PTPRN2: variants seen among roughly 807,000 people sequenced by gnomAD.
PTPRN2 encodes protein tyrosine phosphatase receptor type N2.
In PTPRN2, 74 loss-of-function variants were observed where a neutral mutation model predicts 118.8. The observed-to-expected ratio is 0.62, with a 90% CI of 0.52 to 0.76. The LOEUF (loss-of-function observed/expected upper bound fraction) is 0.76, where lower values mean the gene tolerates loss of function less well. Ranked by LOEUF, PTPRN2 falls within the 30% of genes least tolerant of loss-of-function variation. The probability of loss-of-function intolerance (pLI) is 0.00; values close to 1 mark genes in which losing one functional copy is unlikely to be tolerated. For synonymous variants in PTPRN2, 641 were observed against 608.0 expected (o/e 1.05, Z -0.80); for missense variants, 1,481 against 1,394.4 (o/e 1.06, Z -0.99).
chr7:158,072,026 A>AGGTGCTCGTCGTATGGAGGTGCTCGTGG (rs1563394606), intron 11 of PTPRN2, among the ~76,000 whole-genome samples: 6 of 70,540 alleles, frequency 8.5e-5, no homozygotes, highest in African/African-American at 3.7e-4. Context: ...GGAGGTGCTC[A>AGGTGCTCGTCGTATGGAGGTGCTCGTGG]TGGTGGAGGT....
At chr7:157,770,886 G>A (rs973265417) in intron 12 of PTPRN2, among the ~76,000 whole-genome samples, 1 of 151,708 alleles carries the variant, frequency 6.6e-6, no homozygotes, top group Non-Finnish European at 1.5e-5. Flanking sequence ...TTGGCCAGTT[G>A]AGGCAGCAGA....
chr7:157,847,676 C>T (rs899899602), intron 12 of PTPRN2, among the ~76,000 whole-genome samples: 4 of 144,702 alleles, frequency 2.8e-5, no homozygotes, highest in Non-Finnish European at 4.5e-5. Context: ...TCATGCATGC[C>T]GGATGTTTAC....
At chr7:157,872,571 T>C (rs928203274) in intron 12 of PTPRN2, among the ~76,000 whole-genome samples, 1 of 152,260 alleles carries the variant, frequency 6.6e-6, no homozygotes, top group Non-Finnish European at 1.5e-5. Flanking sequence ...TCCTCACAGC[T>C]GTTTCCCCTA....
chr7:158,415,689 C>A (rs1010236927), intron 2 of PTPRN2, among the ~76,000 whole-genome samples: 2 of 152,074 alleles, frequency 1.3e-5, no homozygotes, highest in African/African-American at 2.4e-5. Context: ...TCATTAATAT[C>A]CCATACACGC....
In PTPRN2 at chr7:157,583,872, ACT is replaced by A. The variant is rs1319030453; in HGVS notation, c.2497-5734_2497-5733del. Reference sequence around the variant, plus strand: ...ACGCCAGCCTGGGTGACAGAGCGAGACTCTGTCTCAAACACACACACACACAC... The same window carrying A: ...ACGCCAGCCTGGGTGACAGAGCGAGACTGTCTCAAACACACACACACACAC... On this transcript the variant is annotated intron_variant, in intron 17 of 22. Coordinates refer to ENST00000389418, the MANE Select transcript of PTPRN2 (RefSeq NM_002847.5). This position sits in a 1 kb window ranked among gnomAD's most constrained non-coding sequence, Gnocchi z 5.5. 1.4e-5 allele frequency among the ~76,000 whole-genome samples: 2 copies of A among 146,964 alleles called. No individual in the cohort carries two copies. The highest frequency in any genetic ancestry group is 5.0e-5 in the African/African-American group (2 of 39,656).
intron 10 of PTPRN2, among the ~76,000 whole-genome samples, chr7:158,092,081 G>C (rs1348355017): frequency 1.3e-5 from 2 of 148,980 alleles, no homozygotes; most frequent in Non-Finnish European, 1.5e-5. Context: ...TGGTTGGGTG[G>C]GTGGATGGGT....
chr7:157,818,821 G>A (rs1450498614), intron 12 of PTPRN2, among the ~76,000 whole-genome samples: 2 of 151,912 alleles, frequency 1.3e-5, no homozygotes, highest in Non-Finnish European at 2.9e-5. Flanking sequence ...GAACCTCCTG[G>A]GTGCCAGGCA....
At chr7:158,358,407 C>T (rs1808561193) in intron 2 of PTPRN2, among the ~76,000 whole-genome samples, 1 of 152,242 alleles carries the variant, frequency 6.6e-6, no homozygotes, top group African/African-American at 2.4e-5. Flanking sequence ...CAGAGACACA[C>T]TGAAAGCCCA....
Position 157,763,983 on chromosome 7 carries a change from C to T in PTPRN2, c.1789-81046G>A, listed in dbSNP as rs763962755. 2.2e-4 allele frequency among the ~76,000 whole-genome samples: 34 copies of T among 152,302 alleles called. No homozygotes were observed. Among genetic ancestry groups the T allele is most frequent in the Middle Eastern group, 6.8e-3 (2 of 294 alleles). On this transcript the variant is annotated intron_variant, in intron 12 of 22. Transcript: ENST00000389418. This position sits in a 1 kb window ranked among gnomAD's most constrained non-coding sequence, Gnocchi z 4.9. The stretch of plus-strand genomic sequence containing the variant: ...GTTTGATCTTCATGATGTCCGTGAA[C>T]ACAGGGAAGCTTTAGTCGCAGCCAC...
intron 2 of PTPRN2, among the ~76,000 whole-genome samples, chr7:158,479,791 C>T (rs1457615786): frequency 6.6e-6 from 1 of 152,218 alleles, no homozygotes; most frequent in Non-Finnish European, 1.5e-5. Flanking sequence ...CCCTCCAGTG[C>T]CCGAAGGCTG....
chr7:157,722,549 G>T (rs1799299566), intron 12 of PTPRN2, among the ~76,000 whole-genome samples: 1 of 152,234 alleles, frequency 6.6e-6, no homozygotes, highest in South Asian at 2.1e-4. Context: ...AGATCCTGGA[G>T]GCTTTGCGTT....
chr7:158,273,001 T>C (rs889487362), intron 3 of PTPRN2, among the ~76,000 whole-genome samples: 3 of 152,156 alleles, frequency 2.0e-5, no homozygotes, highest in Non-Finnish European at 1.5e-5. Context: ...TCAGGGAATA[T>C]GAAAGTGGCC....
Position 157,964,283 on chromosome 7 carries a change from C to T in PTPRN2, c.1724-65546G>A, listed in dbSNP as rs913796593. Among the ~76,000 whole-genome samples, 4 of 152,166 alleles carry T rather than the reference C, an allele frequency of 2.6e-5. No homozygotes were observed. Among genetic ancestry groups the T allele is most frequent in the Non-Finnish European group, 5.9e-5 (4 of 68,026 alleles). On this transcript the variant is annotated intron_variant, in intron 11 of 22. Coordinates refer to ENST00000389418, the MANE Select transcript of PTPRN2 (RefSeq NM_002847.5). This position sits in a 1 kb window ranked among gnomAD's most constrained non-coding sequence, Gnocchi z 9.0. ...AGGCCAGACTGGGGTCCGCCCCACACGCACAGAGGATCACTGGGGGCGATG... is the reference window on the plus strand; with the variant it reads ...AGGCCAGACTGGGGTCCGCCCCACATGCACAGAGGATCACTGGGGGCGATG...
intron 8 of PTPRN2, among the ~76,000 whole-genome samples, chr7:158,136,412 G>A (rs557958997): frequency 1.2e-3 from 182 of 152,198 alleles, no homozygotes; most frequent in African/African-American, 4.0e-3. Context: ...CATTTACCAC[G>A]ACTTTCATAT....
At chr7:157,650,338 G>C (rs1038289222) in intron 14 of PTPRN2, among the ~76,000 whole-genome samples, 1 of 152,240 alleles carries the variant, frequency 6.6e-6, no homozygotes, top group Admixed American at 6.5e-5. Flanking sequence ...ACCCCTCCAT[G>C]TGCAGGCCTT....
chr7:158,034,956 T>C (rs1426058113), intron 11 of PTPRN2, among the ~76,000 whole-genome samples: 1 of 152,250 alleles, frequency 6.6e-6, no homozygotes, highest in Non-Finnish European at 1.5e-5. Flanking sequence ...CTATTTGCAA[T>C]GCTTCCCTGC....
At chr7:158,152,712 C>T (rs986498781) in intron 6 of PTPRN2, among the ~76,000 whole-genome samples, 2 of 152,216 alleles carry the variant, frequency 1.3e-5, no homozygotes, top group African/African-American at 4.8e-5. Context: ...CCTATAAAAA[C>T]CCCCAAGACC....
chr7:158,228,311 T>G (rs1311565649), intron 3 of PTPRN2, among the ~76,000 whole-genome samples: 3 of 152,176 alleles, frequency 2.0e-5, no homozygotes, highest in Non-Finnish European at 4.4e-5. Context: ...GAGTCACCAT[T>G]ACTGAGAATG....
intron 2 of PTPRN2, among the ~76,000 whole-genome samples, chr7:158,458,189 C>T (rs1487794906): frequency 1.3e-5 from 2 of 152,218 alleles, no homozygotes; most frequent in Non-Finnish European, 2.9e-5. Flanking sequence ...GCTCCGCTTC[C>T]TCCTTTCCTG....
Sources: allele counts gnomAD v4.1 joint callset (sites outside exome capture counted in the v4.1 genomes callset), GRCh38; gene constraint gnomAD v4.1.1; non-coding constraint Gnocchi (gnomAD v3.1); transcripts MANE v1.5; gene names NCBI Gene and HGNC (gene_info 2026-07-23, HGNC 2026-07-21).